The following RTN4IP1 variants were observed in gnomAD, a reference collection of about 807,000 sequenced individuals.
RTN4IP1 encodes the protein NAD(P)H oxidoreductase RTN4IP1, mitochondrial.
RTN4IP1 carries 32 observed loss-of-function variants against 46.6 expected under a neutral mutation model. The observed-to-expected ratio is 0.69, with a 90% confidence interval of 0.52 to 0.92. The LOEUF is 0.92. RTN4IP1 is among the 40% of genes least tolerant of loss of function. The probability of loss-of-function intolerance (pLI) is 0.00; values close to 1 mark genes in which losing one functional copy is unlikely to be tolerated. For synonymous variants in RTN4IP1, 167 were observed against 161.8 expected (o/e 1.03, Z -0.24); for missense variants, 424 against 485.8 (o/e 0.87, Z 1.20).
intron 2 of RTN4IP1, among the ~76,000 whole-genome samples, 171 bp downstream of exon 2, chr6:106,622,644 AAAT>A (rs1397626630): frequency 6.6e-6 from 1 of 152,174 alleles, no homozygotes; most frequent in East Asian, 1.9e-4. Flanking sequence ...AATCTGTACT[AAAT>A]AAATGCAAAC....
chr6:106,626,080 A>AG (rs1450586319), intron 1 of RTN4IP1, among the ~76,000 whole-genome samples: 1 of 152,136 alleles, frequency 6.6e-6, no homozygotes, highest in Non-Finnish European at 1.5e-5. Flanking sequence ...AGAGTAGGTG[A>AG]GGGGGATGGG....
intron 8 of RTN4IP1, among the ~76,000 whole-genome samples, chr6:106,576,568 T>C (rs1443753434): frequency 6.6e-6 from 1 of 152,140 alleles, no homozygotes; most frequent in Non-Finnish European, 1.5e-5. Flanking sequence ...GAACTTAAGG[T>C]TTAGAATGTA....
chr6:106,612,366 G>A (rs1206188902), intron 4 of RTN4IP1, among the ~76,000 whole-genome samples: 8 of 120,618 alleles, frequency 6.6e-5, no homozygotes, highest in Admixed American at 1.1e-4. Context: ...CAACCTGGGC[G>A]ACAGAGCAAG....
At chr6:106,612,017 C>A (rs1472411183) in intron 4 of RTN4IP1, among the ~76,000 whole-genome samples, 8 of 152,126 alleles carry the variant, frequency 5.3e-5, no homozygotes, top group African/African-American at 1.9e-4. Flanking sequence ...TGTATCCCCC[C>A]AAATGGGATA....
chr6:106,612,850 G>T (rs1468585501), intron 4 of RTN4IP1, among the ~76,000 whole-genome samples: 1 of 152,122 alleles, frequency 6.6e-6, no homozygotes, highest in Non-Finnish European at 1.5e-5. Flanking sequence ...AGCCAATAGG[G>T]GAATGACAGA....
intron 4 of RTN4IP1, among the ~76,000 whole-genome samples, chr6:106,618,528 C>A (rs900553098): frequency 6.6e-6 from 1 of 152,222 alleles, no homozygotes; most frequent in Non-Finnish European, 1.5e-5. Context: ...TGCATTACCT[C>A]ATTTAACCTT....
chr6:106,622,781 TGGATCCCCGCA>T, intron 2 of RTN4IP1, 26 bp downstream of exon 2: 1 of 1,587,674 alleles, frequency 6.3e-7, no homozygotes, highest in Non-Finnish European at 8.6e-7. Context: ...GTCTGTGGGT[TGGATCCCCGCA>T]GGAATAGTGG....
At chr6:106,588,981 A>G (rs537449930) in intron 6 of RTN4IP1, among the ~76,000 whole-genome samples, 2 of 150,888 alleles carry the variant, frequency 1.3e-5, no homozygotes, top group Middle Eastern at 3.4e-3. Flanking sequence ...GTGGTGGCAC[A>G]TGCCTGTAAT....
intron 4 of RTN4IP1, among the ~76,000 whole-genome samples, chr6:106,610,637 G>T (rs559433327): frequency 1.3e-5 from 2 of 152,006 alleles, no homozygotes; most frequent in East Asian, 3.9e-4. Flanking sequence ...TGTATTTGTT[G>T]GTTTATATAA....
intron 5 of RTN4IP1, 59 bp downstream of exon 5, chr6:106,602,815 A>G (rs758199230): frequency 7.6e-5 from 90 of 1,190,438 alleles, no homozygotes; most frequent in Non-Finnish European, 5.2e-5. Context: ...AATGTATCTT[A>G]ATTTATAAAT....
chr6:106,572,881 C>G (rs1354916440), intron 8 of RTN4IP1, among the ~76,000 whole-genome samples: 1 of 152,078 alleles, frequency 6.6e-6, no homozygotes, highest in Admixed American at 6.6e-5. Context: ...TTGTTTGCAT[C>G]CCCCACAACA....
intron 4 of RTN4IP1, chr6:106,607,665 T>A (rs1309304445): frequency 6.6e-6 from 1 of 152,030 alleles, no homozygotes; most frequent in East Asian, 1.9e-4. Context: ...CAAACCACAA[T>A]GAGATCTCTC....
At chr6:106,624,945 AAAAAAAGAAAAAG>A (rs1244906863) in intron 1 of RTN4IP1, among the ~76,000 whole-genome samples, 2 of 137,666 alleles carry the variant, frequency 1.5e-5, no homozygotes, top group Non-Finnish European at 1.7e-5. Context: ...CAAAAAAAAA[AAAAAAAGAAAAAG>A]AAAAAGAAAA....
intron 7 of RTN4IP1, among the ~76,000 whole-genome samples, chr6:106,587,107 A>G (rs1775505384): frequency 6.6e-6 from 1 of 152,242 alleles, no homozygotes; most frequent in Non-Finnish European, 1.5e-5. Flanking sequence ...TTACTCAAGT[A>G]AAAGTACAAC....
In RTN4IP1 at chr6:106,619,274, T is replaced by A; in HGVS notation, c.548A>T (p.Tyr183Phe). ...LTHTQAASLP[Y>F]VALTAWSAIN... ...AGCAGACCAGGCTGTGAGAGCCACA[T>A]ATGGCAAAGAGGCAGCTTGAGTATG... is the stretch of plus-strand genomic sequence containing the variant. The change falls in exon 4 of 9, where the codon TAT (tyrosine) becomes TTT (phenylalanine). Residue 183 changes from tyrosine (Y) to phenylalanine (F), a missense_variant. Transcript: ENST00000369063. The A allele has an allele frequency of 6.2e-7, 1 of 1,614,204 alleles. No individual in the cohort carries two copies. Among genetic ancestry groups the A allele is most frequent in the South Asian group, 1.1e-5 (1 of 91,090 alleles).
intron 5 of RTN4IP1, among the ~76,000 whole-genome samples, chr6:106,596,484 TG>T (rs1354736887): frequency 6.6e-6 from 1 of 152,120 alleles, no homozygotes; most frequent in Non-Finnish European, 1.5e-5. Context: ...CTCAGGAGTT[TG>T]GGGTGAGAGG....
intron 5 of RTN4IP1, among the ~76,000 whole-genome samples, chr6:106,594,609 T>G (rs1009057353): frequency 6.6e-6 from 1 of 151,822 alleles, no homozygotes; most frequent in African/African-American, 2.4e-5. Flanking sequence ...TGCCAAAAAT[T>G]CTCCCATGTG....
chr6:106,579,869 C>T (rs896466538), intron 8 of RTN4IP1, among the ~76,000 whole-genome samples: 2 of 151,706 alleles, frequency 1.3e-5, no homozygotes, highest in Non-Finnish European at 2.9e-5. Flanking sequence ...CCACCTCAAA[C>T]TTTTAAGTAG....
chr6:106,629,433 C>T lies in RTN4IP1; in HGVS notation c.-412G>A. 1.7e-6 allele frequency: 1 copy of T among 591,636 alleles called. No individual in the cohort carries two copies. The highest frequency in any genetic ancestry group is 3.0e-6 in the Non-Finnish European group (1 of 337,742). The allele number at this position is 591,636 out of a possible 1,614,324, so 36.6% of individuals were successfully genotyped here. ...CAGAGAATCGAACGCTTGCCGACTG[C>T]CGCCGCGACCCTGGCCCGGAATCTC... On this transcript the variant is annotated 5_prime_UTR_variant, in exon 1 of 9. Coordinates refer to ENST00000369063, the MANE Select transcript of RTN4IP1 (RefSeq NM_032730.5).
Sources: allele counts gnomAD v4.1 joint callset (sites outside exome capture counted in the v4.1 genomes callset), GRCh38; gene constraint gnomAD v4.1.1; transcripts MANE v1.5; gene names NCBI Gene and HGNC (gene_info 2026-07-23, HGNC 2026-07-21).